The following OSBPL9 variants were observed in gnomAD, a reference collection of about 807,000 sequenced individuals.
The protein encoded by OSBPL9 is oxysterol binding protein like 9, also known as oxysterol-binding protein-related protein 9.
Under a neutral mutation model 106.6 loss-of-function variants are expected in OSBPL9, and 40 were observed. That is an observed-to-expected ratio of 0.38 (90% CI 0.29 to 0.49). The LOEUF (loss-of-function observed/expected upper bound fraction) is 0.49, where lower values mean the gene tolerates loss of function less well. OSBPL9 is among the 20% of genes least tolerant of loss of function. The pLI is 0.97. For synonymous variants in OSBPL9, 269 were observed against 295.4 expected (o/e 0.91, Z 0.92); for missense variants, 609 against 887.2 (o/e 0.69, Z 3.98).
intron 9 of OSBPL9, among the ~76,000 whole-genome samples, chr1:51,757,386 C>T (rs140125657): frequency 7.2e-5 from 11 of 151,982 alleles, no homozygotes; most frequent in African/African-American, 2.2e-4. Context: ...TCATGAGATA[C>T]TATCGAAGAT....
intron 2 of OSBPL9, among the ~76,000 whole-genome samples, chr1:51,609,750 T>A (rs1055210580): frequency 3.6e-5 from 5 of 140,582 alleles, no homozygotes; most frequent in Admixed American, 7.0e-5. Flanking sequence ...GAATGTCTAT[T>A]TTTTTTTTTT....
At chr1:51,536,338 G>T in the OSBPL9 span, among the ~76,000 whole-genome samples, 1 of 151,676 alleles carries the variant, frequency 6.6e-6, no homozygotes, top group Admixed American at 6.6e-5. Flanking sequence ...ACAGGATCGC[G>T]CTCTGTCACC....
At chr1:51,602,804 C>T (rs1440432380) in intron 2 of OSBPL9, among the ~76,000 whole-genome samples, 2 of 152,078 alleles carry the variant, frequency 1.3e-5, no homozygotes, top group South Asian at 2.1e-4. Flanking sequence ...TAATGCCTGG[C>T]ACAAGGACTA....
intron 4 of OSBPL9, among the ~76,000 whole-genome samples, chr1:51,741,420 T>G (rs1165180902): frequency 6.8e-6 from 1 of 147,924 alleles, no homozygotes; most frequent in African/African-American, 2.5e-5. Flanking sequence ...CCTCCCTTCC[T>G]TCCATCCTTC....
chr1:51,783,521 T>C (rs547520751), intron 17 of OSBPL9, among the ~76,000 whole-genome samples: 2 of 152,126 alleles, frequency 1.3e-5, no homozygotes, highest in Non-Finnish European at 2.9e-5. Flanking sequence ...GCTGAATCTG[T>C]GGGTACAAAA....
intron 4 of OSBPL9, among the ~76,000 whole-genome samples, chr1:51,717,613 G>C (rs1661294233): frequency 6.6e-6 from 1 of 151,166 alleles, no homozygotes; most frequent in South Asian, 2.1e-4. Context: ...TAACATCATT[G>C]ATCATCAGAG....
At chr1:51,538,738 T>A in the OSBPL9 span, 1 of 152,220 alleles carries the variant, frequency 6.6e-6, no homozygotes, top group African/African-American at 2.4e-5. Flanking sequence ...ACACCTCTAA[T>A]TCATTCTTCA....
At chr1:51,726,286 A>G (rs1663104780) in intron 4 of OSBPL9, among the ~76,000 whole-genome samples, 1 of 152,212 alleles carries the variant, frequency 6.6e-6, no homozygotes, top group Non-Finnish European at 1.5e-5. Context: ...AGAGTTAAGA[A>G]CAGTTGTTGG....
chr1:51,639,842 T>TG (rs1645673927), intron 1 of OSBPL9, among the ~76,000 whole-genome samples: 1 of 145,502 alleles, frequency 6.9e-6, no homozygotes, highest in Non-Finnish European at 1.5e-5. Flanking sequence ...TTTTTTTTTT[T>TG]GAGATAGGGT....
At chr1:51,636,500 G>A (rs1324252535) in intron 1 of OSBPL9, among the ~76,000 whole-genome samples, 2 of 151,892 alleles carry the variant, frequency 1.3e-5, no homozygotes, top group African/African-American at 4.8e-5. Context: ...GCCACACCAG[G>A]CTCATTTTTG....
chr1:51,742,245 T>C (rs1297164443), intron 4 of OSBPL9, among the ~76,000 whole-genome samples: 3 of 152,120 alleles, frequency 2.0e-5, no homozygotes, highest in Non-Finnish European at 4.4e-5. Flanking sequence ...ATGTGATAAA[T>C]GTTAGAGCAA....
intron 3 of OSBPL9, among the ~76,000 whole-genome samples, chr1:51,700,150 C>T (rs772087022): frequency 6.6e-6 from 1 of 152,204 alleles, no homozygotes; most frequent in Non-Finnish European, 1.5e-5. Context: ...AACCTTGTGC[C>T]ATGCGGAGCC....
At chr1:51,629,543 C>T (rs2148649065) in intron 1 of OSBPL9, among the ~76,000 whole-genome samples, 1 of 152,196 alleles carries the variant, frequency 6.6e-6, no homozygotes, top group East Asian at 1.9e-4. Context: ...AGGCTGCCAC[C>T]CTGTACAGTG....
intron 1 of OSBPL9, among the ~76,000 whole-genome samples, chr1:51,578,750 A>G (rs1645201841): frequency 6.6e-6 from 1 of 152,202 alleles, no homozygotes; most frequent in Non-Finnish European, 1.5e-5. Flanking sequence ...AAGTCCTTTC[A>G]GGGACCTGTG....
intron 14 of OSBPL9, among the ~76,000 whole-genome samples, 200 bp from the exon 15 acceptor site, chr1:51,776,633 G>C (rs1165667889): frequency 6.6e-6 from 1 of 152,094 alleles, no homozygotes; most frequent in Non-Finnish European, 1.5e-5. Context: ...CTCTGTTTTT[G>C]ATCTGCTAGG....
At chr1:51,779,220 G>A (rs1274303323) in intron 15 of OSBPL9, among the ~76,000 whole-genome samples, 1 of 152,146 alleles carries the variant, frequency 6.6e-6, no homozygotes, top group Admixed American at 6.5e-5. Flanking sequence ...TAGACCAATG[G>A]AACAGAATAG....
chr1:51,699,277 C>T (rs924173231), intron 3 of OSBPL9, among the ~76,000 whole-genome samples: 4 of 152,020 alleles, frequency 2.6e-5, no homozygotes, highest in African/African-American at 7.2e-5. Context: ...AATTTGCCCT[C>T]GTTTGCTTAG....
At chr1:51,718,711 C>G (rs1661519926) in intron 4 of OSBPL9, among the ~76,000 whole-genome samples, 1 of 152,164 alleles carries the variant, frequency 6.6e-6, no homozygotes, top group Admixed American at 6.5e-5. Context: ...ATCTTACTGA[C>G]TTCTTGTTGG....
intron 4 of OSBPL9, among the ~76,000 whole-genome samples, chr1:51,741,069 A>G (rs1222687475): frequency 6.6e-6 from 1 of 152,226 alleles, no homozygotes; most frequent in Non-Finnish European, 1.5e-5. Context: ...TAATGTCCCA[A>G]CTGAAATCAT....
Sources: gnomAD v4.1 joint callset for allele counts (sites outside exome capture counted in the v4.1 genomes callset) on GRCh38, gnomAD v4.1.1 for gene constraint, MANE v1.5 for transcripts, NCBI Gene and HGNC (gene_info 2026-07-23, HGNC 2026-07-21) for gene names.